SLC22A8: variants seen among roughly 807,000 people sequenced by gnomAD.
The protein encoded by SLC22A8 is solute carrier family 22 member 8, also known as organic anion transporter 3.
In SLC22A8, 40 loss-of-function variants were observed where a neutral mutation model predicts 48.4. That is an observed-to-expected ratio of 0.83 (90% CI 0.64 to 1.08). The LOEUF is 1.08. Among genes scored for constraint, SLC22A8 ranks in the 50% least tolerant of loss-of-function variants. SLC22A8 has a pLI of 0.00. For missense variants in SLC22A8, 606 were observed against 699.0 expected (o/e 0.87, Z 1.50); for synonymous variants, 268 against 286.3 (o/e 0.94, Z 0.65).
In SLC22A8 at chr11:62,994,767, GAGA is replaced by G. The variant is rs749899754; in HGVS notation, c.1002-14_1002-12del. On this transcript the variant is annotated splice_polypyrimidine_tract_variant and intron_variant, in intron 7 of 10. Coordinates refer to ENST00000336232, the MANE Select transcript of SLC22A8 (RefSeq NM_004254.4). ...AAACCGGTAGCAAACCTGAGAGGCAGAGAAGGATTGGTTAGCACCTGCAGCCAG... is the reference window on the plus strand; with the variant it reads ...AAACCGGTAGCAAACCTGAGAGGCAGAGGATTGGTTAGCACCTGCAGCCAG... The G allele has an allele frequency of 6.2e-7, 1 of 1,611,974 alleles. No individual in the cohort carries two copies. Among genetic ancestry groups the G allele is most frequent in the Admixed American group, 1.7e-5 (1 of 60,020 alleles).
chr11:62,994,086 G>T, intron 8 of SLC22A8: 1 of 592,446 alleles, frequency 1.7e-6, no homozygotes, highest in Non-Finnish European at 3.0e-6. Context: ...ATATTTTGTT[G>T]TATATGTTCT....
chr11:63,013,643 G>C (rs1241106128), intron 2 of SLC22A8, among the ~76,000 whole-genome samples: 1 of 152,174 alleles, frequency 6.6e-6, no homozygotes, highest in Admixed American at 6.5e-5. Context: ...GTAAATTCCA[G>C]TTCTGAAACT....
rs767223844 is a variant in SLC22A8, at chr11:62,993,416, T to C, written c.1529+8A>G. ...GGAGCACTGATGGGGCCAGAGGCAG[T>C]GACTGACCAGTTTTCCAGGTCTTCG... On this transcript the variant is annotated splice_region_variant and intron_variant, in intron 10 of 10. Transcript: ENST00000336232. 3 of 1,614,060 alleles carry C rather than the reference T, an allele frequency of 1.9e-6. No homozygotes were observed. The South Asian group carries it at 3.3e-5, about 18-fold the overall frequency.
chr11:62,994,042 G>GT, intron 8 of SLC22A8, 164 bp from the exon 9 acceptor site: 1 of 613,274 alleles, frequency 1.6e-6, no homozygotes, highest in Non-Finnish European at 3.0e-6. Context: ...CTATGTTTGT[G>GT]TTTTCCCCTG....
chr11:63,002,977 A>G (rs1291759313), intron 2 of SLC22A8, among the ~76,000 whole-genome samples: 1 of 152,210 alleles, frequency 6.6e-6, no homozygotes, highest in African/African-American at 2.4e-5. Flanking sequence ...CTTCGGCCTC[A>G]TCCCTTCCTA....
chr11:63,006,595 GTTTTTTTTTTTTTTTT>G lies in SLC22A8; in HGVS notation c.334-5788_334-5773del, dbSNP rs58058368. Among the ~76,000 whole-genome samples, 335 of 51,438 alleles carry G rather than the reference GTTTTTTTTTTTTTTTT, an allele frequency of 6.5e-3. 7 individuals carry two copies. The highest frequency in any genetic ancestry group is 0.021 in the African/African-American group (262 of 12,584). The allele number at this position is 51,438 out of a possible 152,430, so 33.7% of individuals were successfully genotyped here. ...TGAGGACTGAGAATGTCTCATTTGA[GTTTTTTTTTTTTTTTT>G]TTTTTTTTTTTTTTGAGACAGAGTC... On this transcript the variant is annotated intron_variant, in intron 2 of 10. Coordinates refer to ENST00000336232, the MANE Select transcript of SLC22A8 (RefSeq NM_004254.4).
chr11:62,996,135 A>G lies in SLC22A8; in HGVS notation c.779T>C (p.Ile260Thr). ...CTTTCCAGACAAGACCAACCAGCGT[A>G]TGGACTCTGGTGTCCACCTGGGGGC... ...FLSSWWTPES[I>T]RWLVLSGKSS... is the part of the protein sequence containing the mutation. Residue 260 changes from isoleucine to threonine, a missense_variant, in exon 6 of 11, where the codon ATA (isoleucine) becomes ACA (threonine). Coordinates refer to ENST00000336232, the MANE Select transcript of SLC22A8 (RefSeq NM_004254.4). 1 of 1,608,600 alleles carries G rather than the reference A, an allele frequency of 6.2e-7. No individual in the cohort carries two copies. Among genetic ancestry groups the G allele is most frequent in the Non-Finnish European group, 8.5e-7 (1 of 1,177,040 alleles).
intron 2 of SLC22A8, among the ~76,000 whole-genome samples, chr11:63,006,595 G>GTTTTTTTTT (rs58058368): frequency 0.017 from 859 of 51,398 alleles, 215 homozygotes; most frequent in African/African-American, 0.033. Context: ...TCTCATTTGA[G>GTTTTTTTTT]TTTTTTTTTT....
rs750535543 is a variant in SLC22A8, at chr11:63,014,606, G to C, written c.333+20C>G. The C allele has an allele frequency of 1.9e-6, 3 of 1,559,618 alleles. No homozygotes were observed. The highest frequency in any genetic ancestry group is 2.6e-6 in the Non-Finnish European group (3 of 1,144,168). On this transcript the variant is annotated intron_variant, in intron 2 of 10. Transcript: ENST00000336232. ...GGGGGTACGTGGGTAAGTGGAGGGAGAGGGTTTGCCCAGGCATACCTCTGT... is the reference window on the plus strand; with the variant it reads ...GGGGGTACGTGGGTAAGTGGAGGGACAGGGTTTGCCCAGGCATACCTCTGT...
Position 62,993,411 on chromosome 11 carries a change from G to C in SLC22A8, c.1529+13C>G, listed in dbSNP as rs761352368. ...AGGGAGGAGCACTGATGGGGCCAGA[G>C]GCAGTGACTGACCAGTTTTCCAGGT... On this transcript the variant is annotated intron_variant, in intron 10 of 10. Transcript: ENST00000336232. 1.9e-6 allele frequency: 3 copies of C among 1,613,958 alleles called. No individual in the cohort carries two copies. Among genetic ancestry groups the C allele is most frequent in the Non-Finnish European group, 2.5e-6 (3 of 1,179,836 alleles).
At position 62,995,737 on chromosome 11, in the gene SLC22A8, A is replaced by G; in HGVS notation, c.968T>C (p.Leu323Pro). The G allele has an allele frequency of 1.9e-6, 3 of 1,614,110 alleles. No individual in the cohort carries two copies. The highest frequency in any genetic ancestry group is 2.5e-6 in the Non-Finnish European group (3 of 1,179,964). The change falls in exon 7 of 11, where the codon CTG (leucine) becomes CCG (proline). Residue 323 changes from leucine to proline, a missense_variant. Coordinates refer to ENST00000336232, the MANE Select transcript of SLC22A8 (RefSeq NM_004254.4). ...GGAAAGACAGAAGGTCATGCGGCGC[A>G]GCATGGGTATCCGGAACAGGTCACT... ...TASDLFRIPM[L>P]RRMTFCLSLA...
chr11:63,001,592 T>C (rs2086495794), intron 2 of SLC22A8, among the ~76,000 whole-genome samples: 1 of 152,230 alleles, frequency 6.6e-6, no homozygotes, highest in African/African-American at 2.4e-5. Context: ...TGTTCTGCAC[T>C]CCTCGTCTCC....
At chr11:62,995,614 T>C in intron 7 of SLC22A8, 90 bp downstream of exon 7, 1 of 862,614 alleles carries the variant, frequency 1.2e-6, no homozygotes, top group Non-Finnish European at 1.9e-6. Flanking sequence ...CTCTTTCAGA[T>C]GCCCTAGGCC....
chr11:62,999,043 T>A lies in SLC22A8; in HGVS notation c.639A>T (p.Ala213=), dbSNP rs1247450298. ...PTRMRAIMST[A]LGYCYTFGQF... is the part of the protein sequence containing the mutation. ...GGCCAAAGGTGTAGCAGTACCCGAGTGCTGTCGACATGATGGCCCGCATCC... is the reference window on the plus strand; with the variant it reads ...GGCCAAAGGTGTAGCAGTACCCGAGAGCTGTCGACATGATGGCCCGCATCC... The change falls in exon 5 of 11, where the codon GCA becomes GCT. Residue 213 remains alanine, a synonymous_variant. Coordinates refer to ENST00000336232, the MANE Select transcript of SLC22A8 (RefSeq NM_004254.4). 1 of 1,614,014 alleles carries A rather than the reference T, an allele frequency of 6.2e-7. No homozygotes were observed.
chr11:63,002,745 C>T (rs1039875094), intron 2 of SLC22A8, among the ~76,000 whole-genome samples: 17 of 152,120 alleles, frequency 1.1e-4, no homozygotes, highest in African/African-American at 2.4e-5. Context: ...ATACTACTGC[C>T]TTAGTGTAGG....
intron 2 of SLC22A8, among the ~76,000 whole-genome samples, chr11:63,002,872 T>G (rs1260913897): frequency 6.6e-6 from 1 of 152,200 alleles, no homozygotes; most frequent in Non-Finnish European, 1.5e-5. Flanking sequence ...CACAATAACC[T>G]TATTATGTAG....
chr11:63,012,628 T>C (rs2086632414), intron 2 of SLC22A8, among the ~76,000 whole-genome samples: 1 of 152,214 alleles, frequency 6.6e-6, no homozygotes, highest in Non-Finnish European at 1.5e-5. Context: ...ACAAAGCGCA[T>C]ATTCATTCAT....
chr11:62,995,586 G>T (rs1590688396), intron 7 of SLC22A8, 118 bp downstream of exon 7: 1 of 728,210 alleles, frequency 1.4e-6, no homozygotes, highest in East Asian at 2.5e-5. Context: ...TGGCCCAGGA[G>T]AGGGGATTCT....
chr11:63,008,606 G>A (rs943094742), intron 2 of SLC22A8, among the ~76,000 whole-genome samples: 1 of 152,102 alleles, frequency 6.6e-6, no homozygotes, highest in African/African-American at 2.4e-5. Flanking sequence ...AATGACATAG[G>A]AATGAAAAGC....
Sources: allele counts gnomAD v4.1 joint callset (sites outside exome capture counted in the v4.1 genomes callset), GRCh38; gene constraint gnomAD v4.1.1; transcripts MANE v1.5; gene names NCBI Gene and HGNC (gene_info 2026-07-23, HGNC 2026-07-21).